The following POFUT3 variants were observed in gnomAD, a reference collection of about 807,000 sequenced individuals.
POFUT3 encodes GDP-fucose protein O-fucosyltransferase 3.
At chr8:33,441,378 CTTT>C in the POFUT3 span, among the ~76,000 whole-genome samples, 3 of 114,062 alleles carry the variant, frequency 2.6e-5, no homozygotes, top group African/African-American at 3.6e-5. Flanking sequence ...TTTTTCCTGC[CTTT>C]TTTTTTTTTT....
chr8:33,382,297 A>G, the POFUT3 span, among the ~76,000 whole-genome samples: 33 of 152,170 alleles, frequency 2.2e-4, no homozygotes, highest in Non-Finnish European at 1.8e-4. Context: ...CAATCAATCA[A>G]TCAATCAAAT....
the POFUT3 span, among the ~76,000 whole-genome samples, chr8:33,386,662 T>C: frequency 6.6e-6 from 1 of 151,956 alleles, no homozygotes. Flanking sequence ...TACAAAAAAT[T>C]AGCCAGGCGT....
the POFUT3 span, among the ~76,000 whole-genome samples, chr8:33,337,782 G>A: frequency 6.6e-6 from 1 of 152,146 alleles, no homozygotes; most frequent in Non-Finnish European, 1.5e-5. Context: ...GTTTACTAGG[G>A]CTGTCGTAAC....
At chr8:33,460,472 T>C in the POFUT3 span, among the ~76,000 whole-genome samples, 2 of 152,258 alleles carry the variant, frequency 1.3e-5, no homozygotes, top group African/African-American at 4.8e-5. Flanking sequence ...TACACAGTCC[T>C]TGGTCTAGAA....
the POFUT3 span, among the ~76,000 whole-genome samples, chr8:33,444,345 G>C: frequency 6.6e-6 from 1 of 152,062 alleles, no homozygotes; most frequent in East Asian, 1.9e-4. Flanking sequence ...TTCCATGTCT[G>C]AGGGCTGCGA....
At chr8:33,460,433 C>G in the POFUT3 span, among the ~76,000 whole-genome samples, 2 of 152,178 alleles carry the variant, frequency 1.3e-5, no homozygotes, top group Non-Finnish European at 2.9e-5. Context: ...GGTAGGAGAA[C>G]TAAGCACACG....
the POFUT3 span, among the ~76,000 whole-genome samples, chr8:33,317,852 T>C: frequency 6.6e-6 from 1 of 151,986 alleles, no homozygotes; most frequent in Non-Finnish European, 1.5e-5. Flanking sequence ...AGTCTTCATT[T>C]CCCCCATCAG....
At chr8:33,370,169 TA>T in the POFUT3 span, among the ~76,000 whole-genome samples, 10 of 39,892 alleles carry the variant, frequency 2.5e-4, no homozygotes, top group African/African-American at 3.3e-4. Flanking sequence ...CCATCTTTAC[TA>T]AAAAAAAAAA....
the POFUT3 span, among the ~76,000 whole-genome samples, chr8:33,407,578 T>C: frequency 4.6e-5 from 7 of 152,106 alleles, no homozygotes; most frequent in Non-Finnish European, 8.8e-5. Context: ...TTATAGAGAA[T>C]GTTAAAAAAA....
the POFUT3 span, chr8:33,461,745 T>C: frequency 4.7e-6 from 5 of 1,062,612 alleles, no homozygotes; most frequent in African/African-American, 8.1e-5. Flanking sequence ...AAGATCATCT[T>C]TTAGCCATAG....
chr8:33,360,254 C>A, the POFUT3 span, among the ~76,000 whole-genome samples: 1 of 151,910 alleles, frequency 6.6e-6, no homozygotes, highest in Non-Finnish European at 1.5e-5. Flanking sequence ...ACCATTCTGG[C>A]TAACATGGTG....
the POFUT3 span, among the ~76,000 whole-genome samples, chr8:33,384,497 T>G: frequency 1.5e-4 from 23 of 152,280 alleles, no homozygotes; most frequent in Admixed American, 4.6e-4. Context: ...CCCATACCTC[T>G]GCCTACTCTA....
At chr8:33,362,293 C>T in the POFUT3 span, among the ~76,000 whole-genome samples, 7 of 152,000 alleles carry the variant, frequency 4.6e-5, no homozygotes, top group Non-Finnish European at 8.8e-5. Context: ...AGAAACAACC[C>T]GTACAAGCCA....
At chr8:33,331,663 T>TTTGTTGTTG in the POFUT3 span, among the ~76,000 whole-genome samples, 5,218 of 151,402 alleles carry the variant, frequency 0.034, 275 homozygotes, top group African/African-American at 0.12. Context: ...CTCTAAAGAT[T>TTTGTTGTTG]TTGTTGTTGT....
chr8:33,433,712 A>G, the POFUT3 span, among the ~76,000 whole-genome samples: 1 of 151,718 alleles, frequency 6.6e-6, no homozygotes, highest in Non-Finnish European at 1.5e-5. Context: ...TGAACTCAGG[A>G]GGCAAAGATT....
the POFUT3 span, among the ~76,000 whole-genome samples, chr8:33,362,990 G>C: frequency 6.6e-6 from 1 of 152,004 alleles, no homozygotes; most frequent in East Asian, 1.9e-4. Flanking sequence ...ACCACATCAT[G>C]CTTATTCTAA....
chr8:33,322,864 T>C, the POFUT3 span, among the ~76,000 whole-genome samples: 115 of 152,248 alleles, frequency 7.6e-4, no homozygotes, highest in African/African-American at 2.7e-3. Context: ...GGGAGGTGCA[T>C]TCAATTCCTC....
the POFUT3 span, among the ~76,000 whole-genome samples, chr8:33,380,036 A>AG: frequency 2.7e-5 from 2 of 75,346 alleles, no homozygotes; most frequent in African/African-American, 1.3e-4. Context: ...TACTATATAT[A>AG]TACGATATAT....
the POFUT3 span, among the ~76,000 whole-genome samples, chr8:33,380,203 T>A: frequency 3.8e-5 from 2 of 51,984 alleles, no homozygotes; most frequent in African/African-American, 1.9e-4. Context: ...ATATATATAC[T>A]ATATATATAT....
Sources: gnomAD v4.1 joint callset for allele counts (sites outside exome capture counted in the v4.1 genomes callset) on GRCh38, gnomAD v4.1.1 for gene constraint, MANE v1.5 for transcripts, NCBI Gene and HGNC (gene_info 2026-07-23, HGNC 2026-07-21) for gene names.